The following ERBB4 variants were observed in gnomAD, a reference collection of about 807,000 sequenced individuals.
ERBB4 encodes the protein erb-b2 receptor tyrosine kinase 4, also known as receptor tyrosine-protein kinase erbB-4.
In ERBB4, 42 loss-of-function variants were observed where a neutral mutation model predicts 158.0. The ratio of observed to expected loss-of-function variants is 0.27; its 90% CI spans 0.21 to 0.34. The LOEUF (loss-of-function observed/expected upper bound fraction) is 0.34, where lower values mean the gene tolerates loss of function less well. Among genes scored for constraint, ERBB4 ranks in the 10% least tolerant of loss-of-function variants. ERBB4 has a pLI of 1.00. For missense variants in ERBB4, 1,333 were observed against 1,624.1 expected, an observed-to-expected ratio of 0.82 and a Z score of 3.08; for synonymous variants, 583 against 558.7, an observed-to-expected ratio of 1.04 and a Z score of -0.61.
chr2:211,423,910 G>A (rs931110856), intron 23 of ERBB4, among the ~76,000 whole-genome samples: 5 of 151,606 alleles, frequency 3.3e-5, no homozygotes, highest in Admixed American at 1.3e-4. Flanking sequence ...CTCTCTTTAC[G>A]ACAGGCAATT....
At chr2:212,190,259 G>T (rs1004287755) in intron 1 of ERBB4, among the ~76,000 whole-genome samples, 3 of 152,188 alleles carry the variant, frequency 2.0e-5, no homozygotes, top group Admixed American at 6.5e-5. Context: ...GGGGGCAGCT[G>T]GGCGCGGTAG....
chr2:211,924,264 T>C (rs937995456), intron 3 of ERBB4, among the ~76,000 whole-genome samples: 1 of 152,166 alleles, frequency 6.6e-6, no homozygotes, highest in African/African-American at 2.4e-5. Context: ...TTCCAGGGGT[T>C]GGCATGATAA....
At chr2:211,414,802 T>C (rs1379036277) in intron 25 of ERBB4, among the ~76,000 whole-genome samples, 1 of 152,120 alleles carries the variant, frequency 6.6e-6, no homozygotes, top group Non-Finnish European at 1.5e-5. Context: ...GTGGGACAAC[T>C]GAAATCCAGA....
intron 1 of ERBB4, among the ~76,000 whole-genome samples, chr2:212,333,815 G>A (rs1392342167): frequency 6.6e-6 from 1 of 151,888 alleles, no homozygotes; most frequent in East Asian, 1.9e-4. Flanking sequence ...CCAGAATTTT[G>A]GAACTACTGA....
chr2:211,602,475 C>T (rs2068831274), intron 19 of ERBB4, among the ~76,000 whole-genome samples: 1 of 152,096 alleles, frequency 6.6e-6, no homozygotes, highest in Admixed American at 6.5e-5. Flanking sequence ...ACTGTTTGCT[C>T]AATAACCCCA....
chr2:211,829,943 G>A (rs2077183818), intron 3 of ERBB4, among the ~76,000 whole-genome samples: 1 of 152,138 alleles, frequency 6.6e-6, no homozygotes, highest in African/African-American at 2.4e-5. Flanking sequence ...AAGTATGACT[G>A]CTACTCCAAT....
chr2:212,531,990 T>C (rs774795626), intron 1 of ERBB4, among the ~76,000 whole-genome samples: 3 of 152,324 alleles, frequency 2.0e-5, no homozygotes, highest in Middle Eastern at 3.4e-3. Flanking sequence ...GTCTTTCTTT[T>C]AGAAAGAACT....
chr2:211,602,152 C>T (rs1170985520), intron 19 of ERBB4, among the ~76,000 whole-genome samples: 12 of 152,062 alleles, frequency 7.9e-5, no homozygotes, highest in Admixed American at 7.2e-4. Context: ...AGTGTGAGAA[C>T]ACTTGGTACA....
intron 19 of ERBB4, among the ~76,000 whole-genome samples, chr2:211,584,772 A>G (rs1302340436): frequency 6.6e-6 from 1 of 151,728 alleles, no homozygotes; most frequent in Non-Finnish European, 1.5e-5. Flanking sequence ...TATAAAAAAT[A>G]TATGTATATG....
intron 2 of ERBB4, among the ~76,000 whole-genome samples, chr2:211,961,713 A>G (rs370996306): frequency 2.8e-4 from 43 of 152,280 alleles, no homozygotes; most frequent in African/African-American, 9.4e-4. Flanking sequence ...TGTTGGAAGT[A>G]CAAAAGACAG....
chr2:212,368,407 G>A (rs2089967061), intron 1 of ERBB4, among the ~76,000 whole-genome samples: 1 of 152,076 alleles, frequency 6.6e-6, no homozygotes, highest in Non-Finnish European at 1.5e-5. Context: ...ATGACACAGT[G>A]GACTTTGGGG....
Position 211,665,365 on chromosome 2 carries a change from G to A in ERBB4, c.1829C>T (p.Pro610Leu), listed in dbSNP as rs756272680. The stretch of plus-strand genomic sequence containing the variant: ...ATGGCATGGGTGGCACTCCCGATCT[G>A]GATCAGCATACTTGAAAATGAAACT... ...ANSFIFKYAD[P>L]DRECHPCHPN... Residue 610 changes from proline (P) to leucine (L), a missense_variant, in exon 15 of 28, where the codon CCA becomes CTA. This residue lies in a region of ERBB4 where 245 missense variants were observed against 247.5 expected (regional missense o/e 0.99). Coordinates refer to ENST00000342788, the MANE Select transcript of ERBB4 (RefSeq NM_005235.3). The A allele has an allele frequency of 6.2e-7, 1 of 1,614,162 alleles. No individual in the cohort carries two copies. Among genetic ancestry groups the A allele is most frequent in the Admixed American group, 1.7e-5 (1 of 60,012 alleles).
intron 1 of ERBB4, among the ~76,000 whole-genome samples, chr2:212,249,946 C>G (rs1308208566): frequency 6.6e-6 from 1 of 151,956 alleles, no homozygotes; most frequent in Non-Finnish European, 1.5e-5. Context: ...GAACCAAAAT[C>G]AGTTGCACGA....
At chr2:212,383,525 G>A (rs114578120) in intron 1 of ERBB4, among the ~76,000 whole-genome samples, 1 of 151,560 alleles carries the variant, frequency 6.6e-6, no homozygotes, top group South Asian at 2.1e-4. Flanking sequence ...TTTTATGCTT[G>A]ACACTTTAGT....
chr2:212,238,344 C>T (rs1348274547), intron 1 of ERBB4, among the ~76,000 whole-genome samples: 2 of 152,152 alleles, frequency 1.3e-5, no homozygotes, highest in African/African-American at 2.4e-5. Flanking sequence ...TCCCTGACCC[C>T]ATACACTGCT....
At chr2:212,284,220 T>C (rs2085870243) in intron 1 of ERBB4, among the ~76,000 whole-genome samples, 1 of 152,110 alleles carries the variant, frequency 6.6e-6, no homozygotes, top group African/African-American at 2.4e-5. Flanking sequence ...TAAATAACTT[T>C]TGTATAGTTC....
At chr2:211,882,154 C>G (rs2106153161) in intron 3 of ERBB4, among the ~76,000 whole-genome samples, 1 of 152,202 alleles carries the variant, frequency 6.6e-6, no homozygotes, top group African/African-American at 2.4e-5. Context: ...AGCTTACAAT[C>G]CTGATTCAGC....
At chr2:211,986,904 A>T (rs2081951248) in intron 2 of ERBB4, among the ~76,000 whole-genome samples, 1 of 152,206 alleles carries the variant, frequency 6.6e-6, no homozygotes, top group Admixed American at 6.5e-5. Flanking sequence ...AGAACAAGTG[A>T]TACTTCATAT....
At chr2:211,995,677 T>C (rs2082184822) in intron 2 of ERBB4, among the ~76,000 whole-genome samples, 1 of 152,172 alleles carries the variant, frequency 6.6e-6, no homozygotes. Context: ...TCTTGCGCAT[T>C]ACTGCTTGTA....
Sources: allele counts gnomAD v4.1 joint callset (sites outside exome capture counted in the v4.1 genomes callset), GRCh38; gene constraint gnomAD v4.1.1; regional missense constraint gnomAD v4.1.1; transcripts MANE v1.5; gene names NCBI Gene and HGNC (gene_info 2026-07-23, HGNC 2026-07-21).